Variants in KCNQ1 observed in about 807,000 individuals in gnomAD.
KCNQ1 encodes the protein potassium voltage-gated channel subfamily KQT member 1.
A neutral mutation model predicts 72.4 loss-of-function variants in KCNQ1; 49 were observed. That is an observed-to-expected ratio of 0.68 (90% CI 0.54 to 0.86). KCNQ1 has a LOEUF of 0.86. Ranked by LOEUF, KCNQ1 falls within the 40% of genes least tolerant of loss-of-function variation. KCNQ1 has a pLI of 0.00. For synonymous variants in KCNQ1, 450 were observed against 412.6 expected (o/e 1.09, Z -1.10); for missense variants, 790 against 945.1 (o/e 0.84, Z 2.15).
At chr11:2,775,478 G>A (rs991583752) in intron 12 of KCNQ1, among the ~76,000 whole-genome samples, 12 of 152,222 alleles carry the variant, frequency 7.9e-5, no homozygotes, top group East Asian at 1.9e-4. Context: ...GAGGAGACCC[G>A]CTCCCTACCC....
chr11:2,730,095 G>T (rs1777597345), intron 11 of KCNQ1, among the ~76,000 whole-genome samples: 2 of 152,104 alleles, frequency 1.3e-5, no homozygotes, highest in African/African-American at 4.8e-5. Context: ...GGTGTGGTTG[G>T]CGCAGATGGC....
intron 1 of KCNQ1, among the ~76,000 whole-genome samples, chr11:2,503,402 A>C (rs1423564906): frequency 6.6e-6 from 1 of 152,126 alleles, no homozygotes; most frequent in African/African-American, 2.4e-5. Flanking sequence ...AAATGGATGA[A>C]ACTGGAAACC....
At chr11:2,465,775 G>A (rs1403176982) in intron 1 of KCNQ1, among the ~76,000 whole-genome samples, 4 of 152,186 alleles carry the variant, frequency 2.6e-5, no homozygotes, top group South Asian at 4.1e-4. Context: ...CCTGTGTTCC[G>A]GGCAGGCTGG....
At position 2,621,498 on chromosome 11, in the gene KCNQ1, G is replaced by A. The variant is rs183075233; in HGVS notation, c.1393+32644G>A. 1.5e-5 allele frequency: 6 copies of A among 398,490 alleles called. No homozygotes were observed. In the East Asian group the frequency reaches 2.1e-4, roughly 14 times the overall value. The allele number at this position is 398,490 out of a possible 1,614,324, so 24.7% of individuals were successfully genotyped here. Reference sequence around the variant, plus strand: ...TATTTTTTCTCCCATTCTATATGTTGTCTGTTTACTCTGTTGATAATTTCT... The same window carrying A: ...TATTTTTTCTCCCATTCTATATGTTATCTGTTTACTCTGTTGATAATTTCT... On this transcript the variant is annotated intron_variant, in intron 10 of 15. Transcript: ENST00000155840. This position sits in a 1 kb window ranked among gnomAD's most constrained non-coding sequence, Gnocchi z 5.7.
At chr11:2,790,771 A>G (rs1216219992) in intron 15 of KCNQ1, among the ~76,000 whole-genome samples, 1 of 152,194 alleles carries the variant, frequency 6.6e-6, no homozygotes, top group East Asian at 1.9e-4. Context: ...CTGGCCCAGG[A>G]GGCCTGCTTG....
intron 11 of KCNQ1, among the ~76,000 whole-genome samples, chr11:2,749,594 G>A (rs901589557): frequency 6.7e-6 from 1 of 150,068 alleles, no homozygotes; most frequent in African/African-American, 2.5e-5. Context: ...CGGATCACGA[G>A]GTCAGGAGAT....
chr11:2,744,272 A>G (rs1248867761), intron 11 of KCNQ1, among the ~76,000 whole-genome samples: 1 of 152,242 alleles, frequency 6.6e-6, no homozygotes, highest in Non-Finnish European at 1.5e-5. Flanking sequence ...ACGATGTGGC[A>G]TCGGGAACAC....
chr11:2,768,806 G>A lies in KCNQ1; in HGVS notation c.1515-38G>A, dbSNP rs374299899. On this transcript the variant is annotated intron_variant, in intron 11 of 15. Transcript: ENST00000155840. The surrounding 1 kb of genome is among the most constrained non-coding windows in gnomAD (Gnocchi z 6.7). The stretch of plus-strand genomic sequence containing the variant: ...GCAGTGAGGGGATGACCAGCACAGG[G>A]TGGCCACTCACAATCTCCTCTCCTC... 4.4e-5 allele frequency: 68 copies of A among 1,531,658 alleles called. No individual in the cohort carries two copies. The African/African-American group carries it at 9.3e-4, about 21-fold the overall frequency. 94.9% of individuals were successfully genotyped at this position (1,531,658 alleles called of 1,614,324 possible). A position where few individuals can be genotyped will look rare whatever the true frequency, so the allele number is the denominator to read the frequency against.
chr11:2,811,273 C>T (rs1347020946), intron 15 of KCNQ1, among the ~76,000 whole-genome samples: 3 of 152,240 alleles, frequency 2.0e-5, no homozygotes, highest in African/African-American at 4.8e-5. Context: ...CCTGTTACAA[C>T]CCAGATTTCC....
intron 11 of KCNQ1, among the ~76,000 whole-genome samples, chr11:2,714,237 G>A (rs567318107): frequency 6.6e-6 from 1 of 152,240 alleles, no homozygotes; most frequent in Non-Finnish European, 1.5e-5. Context: ...CATCTCATGG[G>A]GGGGTTGGGC....
rs1590053473 is a variant in KCNQ1, at chr11:2,723,234, A to C, written c.1515-45610A>C. On this transcript the variant is annotated intron_variant, in intron 11 of 15. Coordinates refer to ENST00000155840, the MANE Select transcript of KCNQ1 (RefSeq NM_000218.3). This position sits in a 1 kb window ranked among gnomAD's most constrained non-coding sequence, Gnocchi z 4.2. ...CACACCTGCCACAGCTGCTTACCCC[A>C]CTCCCTGCCGCCCTGGACAAGGTGC... Among the ~76,000 whole-genome samples the C allele has an allele frequency of 1.3e-5, 2 of 151,208 alleles. No individual in the cohort carries two copies. Among genetic ancestry groups the C allele is most frequent in the African/African-American group, 2.4e-5 (1 of 41,078 alleles).
At position 2,743,208 on chromosome 11, in the gene KCNQ1, C is replaced by T. The variant is rs117743493; in HGVS notation, c.1515-25636C>T. Among the ~76,000 whole-genome samples, 1,245 of 152,184 alleles carry T rather than the reference C, an allele frequency of 8.2e-3. 8 individuals carry two copies. The highest frequency in any genetic ancestry group is 0.013 in the Non-Finnish European group (913 of 67,994). On this transcript the variant is annotated intron_variant, in intron 11 of 15. Transcript: ENST00000155840. ...ACAGGGATGACTGGTGTGAGCCCAC[C>T]GCCCACCTAGACTCCCGTACCATGC...
At chr11:2,499,931 T>C (rs114847525) in intron 1 of KCNQ1, among the ~76,000 whole-genome samples, 4,355 of 152,236 alleles carry the variant, frequency 0.029, 225 homozygotes, top group African/African-American at 0.1. Flanking sequence ...ACAAAACAAG[T>C]CTTGAAACAT....
intron 15 of KCNQ1, among the ~76,000 whole-genome samples, chr11:2,831,516 A>G (rs1012461189): frequency 2.6e-5 from 4 of 151,858 alleles, no homozygotes; most frequent in Admixed American, 6.6e-5. Context: ...GCCCTGAACC[A>G]CCACCCTTAG....
chr11:2,692,704 C>A (rs1850608207), intron 11 of KCNQ1: 1 of 398,588 alleles, frequency 2.5e-6, no homozygotes, highest in Non-Finnish European at 4.4e-6. Context: ...TGTCCACTAA[C>A]CCTGGGAGGG....
intron 7 of KCNQ1, 133 bp from the exon 8 acceptor site, chr11:2,585,079 T>G (rs1260708304): frequency 5.1e-6 from 4 of 788,720 alleles, no homozygotes; most frequent in East Asian, 2.5e-5. Context: ...GGGCCCGAGG[T>G]GGGACTTGGG....
At position 2,776,974 on chromosome 11, in the gene KCNQ1, C is replaced by T. The variant is rs1459663601; in HGVS notation, c.1686-12C>T. ...GCCAGGTGTGAACTGGTGTCTGTGT[C>T]CTTCTCTCCAGGCTGGACCAGTCCA... On this transcript the variant is annotated splice_polypyrimidine_tract_variant and intron_variant, in intron 13 of 15. Transcript: ENST00000155840. 1.2e-6 allele frequency: 2 copies of T among 1,613,886 alleles called. No individual in the cohort carries two copies. The highest frequency in any genetic ancestry group is 2.7e-5 in the African/African-American group (2 of 74,914).
At chr11:2,629,545 G>C (rs1056389697) in intron 10 of KCNQ1, 1 of 398,206 alleles carries the variant, frequency 2.5e-6, no homozygotes, top group South Asian at 1.3e-4. Context: ...ATTCTCTCAC[G>C]TGAGGATATC....
rs1032740866 is a variant in KCNQ1 at position 2,817,313 on chromosome 11, C to G, written c.1795-30454C>G. 2.0e-5 allele frequency among the ~76,000 whole-genome samples: 3 copies of G among 152,166 alleles called. No individual in the cohort carries two copies. Among genetic ancestry groups the G allele is most frequent in the Non-Finnish European group, 4.4e-5 (3 of 68,030 alleles). The stretch of plus-strand genomic sequence containing the variant: ...ACGTTGGACAGAACCCACGGCGGCC[C>G]TTTCCGTGGCTTCAGCCAGTTTCTG... On this transcript the variant is annotated intron_variant, in intron 15 of 15. Coordinates refer to ENST00000155840, the MANE Select transcript of KCNQ1 (RefSeq NM_000218.3). This position sits in a 1 kb window ranked among gnomAD's most constrained non-coding sequence, Gnocchi z 6.1.
Sources: allele counts gnomAD v4.1 joint callset (sites outside exome capture counted in the v4.1 genomes callset), GRCh38; gene constraint gnomAD v4.1.1; non-coding constraint Gnocchi (gnomAD v3.1); transcripts MANE v1.5; gene names NCBI Gene and HGNC (gene_info 2026-07-23, HGNC 2026-07-21).